Variants in MSN observed in about 807,000 individuals in gnomAD.
MSN encodes moesin.
MSN carries 2 observed loss-of-function variants against 48.0 expected under a neutral mutation model. That is an observed-to-expected ratio of 0.04 (90% CI 0.02 to 0.13). The LOEUF is 0.13. Among genes scored for constraint, MSN ranks in the 10% least tolerant of loss-of-function variants. The pLI is 1.00. For missense variants in MSN, 267 were observed against 470.1 expected (o/e 0.57, Z 3.99); for synonymous variants, 146 against 166.9 (o/e 0.87, Z 0.97).
At chrX:65,602,511 C>T (rs1159882286) in intron 1 of MSN, among the ~76,000 whole-genome samples, 1 of 110,556 alleles carries the variant, frequency 9.0e-6, no homozygotes, top group Non-Finnish European at 1.9e-5. Flanking sequence ...TCTCCAGCTC[C>T]ACTCTCCAGC....
At chrX:65,623,686 C>G (rs1214395411) in intron 1 of MSN, among the ~76,000 whole-genome samples, 1 of 109,385 alleles carries the variant, frequency 9.1e-6, no homozygotes, top group Non-Finnish European at 1.9e-5. Context: ...GTGGCAGGCA[C>G]CTGTAATCCC....
intron 1 of MSN, among the ~76,000 whole-genome samples, chrX:65,594,914 T>G (rs1035142378): frequency 1.8e-5 from 2 of 111,836 alleles, no homozygotes; most frequent in Non-Finnish European, 3.8e-5. Context: ...AGCCTTAGTA[T>G]GCACCTGTTT....
At position 65,667,655 on chromosome X, in the gene MSN, GCT is replaced by G; in HGVS notation, c.-184_-183del. The G allele has an allele frequency of 1.4e-5, 15 of 1,047,779 alleles. No homozygotes were observed. The highest frequency in any genetic ancestry group is 1.9e-5 in the Non-Finnish European group (15 of 809,495). 86.3% of individuals were successfully genotyped at this position (1,047,779 alleles called of 1,213,427 possible). A position where few individuals can be genotyped will look rare whatever the true frequency, so the allele number is the denominator to read the frequency against. ...AGGAGCGGGCGGCGCGACAGGGGCG[GCT>G]CTTTCCTGGGTGGGGTTTGTGAAGT... On this transcript the variant is annotated 5_prime_UTR_variant, in exon 1 of 13. Coordinates refer to ENST00000360270, the MANE Select transcript of MSN (RefSeq NM_002444.3).
chrX:65,603,392 G>A (rs1485231462), intron 1 of MSN, among the ~76,000 whole-genome samples: 2 of 111,485 alleles, frequency 1.8e-5, no homozygotes, highest in Non-Finnish European at 1.9e-5. Context: ...CTGTAAGGTC[G>A]GTAGTAGGGG....
intron 1 of MSN, among the ~76,000 whole-genome samples, chrX:65,657,816 A>G (rs769816712): frequency 3.6e-5 from 4 of 111,905 alleles, no homozygotes; most frequent in African/African-American, 6.5e-5. Context: ...GGACTGAGAA[A>G]GTCACAGATT....
chrX:65,624,874 A>AAAGG lies in MSN; in HGVS notation c.-22+36278_-22+36281dup, dbSNP rs770933336. On this transcript the variant is annotated intron_variant, in intron 1 of 3. Coordinates refer to the MSN transcript ENST00000609672. ...AGAAAGAAAAAAAGAAGGAAGGAAG[A>AAAGG]AAGGAAGGAAGGAAGGAAGAAAGGA... 5.4e-5 allele frequency: 6 copies of AAAGG among 110,486 alleles called. No individual in the cohort carries two copies. The East Asian group carries it at 8.4e-4, about 16-fold the overall frequency. The allele number at this position is 110,486 out of a possible 1,213,427, so 9.1% of individuals were successfully genotyped here.
At chrX:65,627,278 A>G (rs934565962) in intron 1 of MSN, among the ~76,000 whole-genome samples, 3 of 109,451 alleles carry the variant, frequency 2.7e-5, no homozygotes, top group Non-Finnish European at 5.7e-5. Flanking sequence ...ATACATATGT[A>G]TTAGTCCATA....
chrX:65,719,816 A>T (rs536478998), intron 2 of MSN, among the ~76,000 whole-genome samples: 1 of 111,460 alleles, frequency 9.0e-6, no homozygotes, highest in South Asian at 3.8e-4. Flanking sequence ...TTGCAGGGGG[A>T]TGGCTGTGGA....
exon 1 of MSN, chrX:65,588,603 A>T: frequency 1.3e-6 from 1 of 799,373 alleles, no homozygotes; most frequent in Non-Finnish European, 1.5e-6. Flanking sequence ...GGACCATGCA[A>T]AACAACCAAG....
rs965904105 is a variant in MSN, at chrX:65,599,738, T to C, written c.-22+11126T>C. 3.6e-5 allele frequency among the ~76,000 whole-genome samples: 4 copies of C among 111,342 alleles called. No homozygotes were observed. In the South Asian group the frequency reaches 1.5e-3, roughly 42 times the overall value. On this transcript the variant is annotated intron_variant, in intron 1 of 3. Coordinates refer to the MSN transcript ENST00000609672. ...TAGGAGTGCTTGAAGAGGACATGAATAGGCAGCTAAGCAAGGTGTCATCTG... is the reference window on the plus strand; with the variant it reads ...TAGGAGTGCTTGAAGAGGACATGAACAGGCAGCTAAGCAAGGTGTCATCTG...
At chrX:65,600,919 T>C (rs1378666375) in intron 1 of MSN, among the ~76,000 whole-genome samples, 1 of 111,836 alleles carries the variant, frequency 8.9e-6, no homozygotes, top group Non-Finnish European at 1.9e-5. Context: ...GCGAGTGTTC[T>C]CATCATGCTT....
chrX:65,679,231 C>T (rs770034410), intron 1 of MSN, among the ~76,000 whole-genome samples: 1 of 111,819 alleles, frequency 8.9e-6, no homozygotes, highest in South Asian at 3.7e-4. Context: ...TTGGATTGGT[C>T]ATTGTTCCAT....
At chrX:65,738,413 A>C (rs938721360) in intron 10 of MSN, 112 bp from the exon 11 acceptor site, 1 of 554,613 alleles carries the variant, frequency 1.8e-6, no homozygotes, top group African/African-American at 2.3e-5. Flanking sequence ...TGAGGCAGCA[A>C]GCAAGTGGAG....
chrX:65,719,797 A>G (rs901872821), intron 2 of MSN, among the ~76,000 whole-genome samples: 1 of 111,765 alleles, frequency 8.9e-6, no homozygotes, highest in African/African-American at 3.3e-5. Context: ...GGGGCTTTGT[A>G]TATGTGCATT....
chrX:65,735,932 A>G (rs778519293), intron 8 of MSN, among the ~76,000 whole-genome samples: 1 of 111,587 alleles, frequency 9.0e-6, no homozygotes, highest in Non-Finnish European at 1.9e-5. Context: ...CCAGATGGAG[A>G]ATACCTAGCC....
At chrX:65,649,804 C>T (rs1435819798) in intron 1 of MSN, among the ~76,000 whole-genome samples, 1 of 106,512 alleles carries the variant, frequency 9.4e-6, no homozygotes, top group Non-Finnish European at 1.9e-5. Flanking sequence ...ATCCCTACCC[C>T]ACCAAAGCAA....
rs767464680 is a variant in MSN, at chrX:65,732,980, G to T, written c.699-204G>T. ...GCCTGTAATCCCAGCACTTTGGGAG[G>T]CTGAGGAGGGAAGATTGCTCAAGCC... is the stretch of plus-strand genomic sequence containing the variant. On this transcript the variant is annotated intron_variant, in intron 6 of 12. Transcript: ENST00000360270. Among the ~76,000 whole-genome samples, 128 of 110,652 alleles carry T rather than the reference G, an allele frequency of 1.2e-3. 1 individual carries two copies. The highest frequency in any genetic ancestry group is 4.1e-3 in the African/African-American group (124 of 30,415).
chrX:65,701,228 C>G (rs1308566436), intron 1 of MSN, among the ~76,000 whole-genome samples: 1 of 111,881 alleles, frequency 8.9e-6, no homozygotes, highest in African/African-American at 3.3e-5. Context: ...GCTGAAGTAT[C>G]TGAACTGTCT....
At chrX:65,655,263 T>C (rs1209623700) in intron 1 of MSN, among the ~76,000 whole-genome samples, 2 of 111,463 alleles carry the variant, frequency 1.8e-5, no homozygotes, top group Non-Finnish European at 3.8e-5. Context: ...TAAAGTCAGA[T>C]AGGCTTGTTT....
Sources: gnomAD v4.1 joint callset for allele counts (sites outside exome capture counted in the v4.1 genomes callset) on GRCh38, gnomAD v4.1.1 for gene constraint, MANE v1.5 for transcripts, NCBI Gene and HGNC (gene_info 2026-07-23, HGNC 2026-07-21) for gene names.